The following CFAP97D2 variants were observed in gnomAD, a reference collection of about 807,000 sequenced individuals.
The protein encoded by CFAP97D2 is CFAP97 domain containing 2, also known as uncharacterized protein CFAP97D2.
intron 4 of CFAP97D2, among the ~76,000 whole-genome samples, chr13:114,218,840 T>C (rs112231352): frequency 1.3e-5 from 2 of 152,126 alleles, no homozygotes; most frequent in African/African-American, 4.8e-5. Context: ...AAAGCTGAAA[T>C]TGGATCCCTT....
At chr13:114,193,098 G>A (rs1448043837) in intron 1 of CFAP97D2, among the ~76,000 whole-genome samples, 1 of 152,102 alleles carries the variant, frequency 6.6e-6, no homozygotes, top group East Asian at 1.9e-4. Flanking sequence ...AAATTGTATT[G>A]GAGGTGTTAG....
At chr13:114,197,582 G>A (rs1349600670) in intron 2 of CFAP97D2, among the ~76,000 whole-genome samples, 2 of 152,342 alleles carry the variant, frequency 1.3e-5, no homozygotes, top group East Asian at 3.9e-4. Context: ...GGGGGGAAGG[G>A]AAGTGGATTC....
chr13:114,211,919 A>C lies in CFAP97D2; in HGVS notation c.298A>C (p.Arg100=). Residue 100 remains arginine, a synonymous_variant, in exon 4 of 5, where the codon AGG becomes CGG. Coordinates refer to ENST00000646158, the Ensembl canonical transcript of CFAP97D2. This position sits in a 1 kb window ranked among gnomAD's most constrained non-coding sequence, Gnocchi z 4.2. Reference sequence around the variant, plus strand: ...GTGTGCTCTTTCGTGGAGTCTGCACAGGGGGAAGAGAGAACAGGAACTTCG... The same window carrying C: ...GTGTGCTCTTTCGTGGAGTCTGCACCGGGGGAAGAGAGAACAGGAACTTCG... The C allele has an allele frequency of 5.0e-6, 2 of 398,756 alleles. No homozygotes were observed. 24.7% of individuals were successfully genotyped at this position (398,756 alleles called of 1,614,324 possible). A position where few individuals can be genotyped will look rare whatever the true frequency, so the allele number is the denominator to read the frequency against.
chr13:114,181,342 C>A (rs1205485321), intron 1 of CFAP97D2, among the ~76,000 whole-genome samples: 1 of 152,148 alleles, frequency 6.6e-6, no homozygotes, highest in Non-Finnish European at 1.5e-5. Flanking sequence ...GCCTGGGTGT[C>A]CTGGCAGGGG....
chr13:114,210,280 T>G (rs1306251448), intron 3 of CFAP97D2, among the ~76,000 whole-genome samples: 2 of 152,212 alleles, frequency 1.3e-5, no homozygotes, highest in Admixed American at 6.5e-5. Context: ...TCCATATTAT[T>G]AAAAATTAAT....
chr13:114,204,927 C>T (rs937413468), intron 3 of CFAP97D2, among the ~76,000 whole-genome samples: 4 of 152,200 alleles, frequency 2.6e-5, no homozygotes, highest in African/African-American at 4.8e-5. Context: ...AAATCAGATA[C>T]GATTAGGGAC....
At chr13:114,199,942 T>G (rs11147320) in intron 2 of CFAP97D2, among the ~76,000 whole-genome samples, 6 of 4,906 alleles carry the variant, frequency 1.2e-3, no homozygotes, top group Non-Finnish European at 1.8e-3. Flanking sequence ...GTCCCCGTGC[T>G]TACGGTCCCC....
In CFAP97D2 at chr13:114,186,746, C is replaced by A. The variant is rs1258218874; in HGVS notation, c.90+7326C>A. Among the ~76,000 whole-genome samples the A allele has an allele frequency of 6.6e-6, 1 of 152,250 alleles. No homozygotes were observed. The highest frequency in any genetic ancestry group is 6.5e-5 in the Admixed American group (1 of 15,292). The stretch of plus-strand genomic sequence containing the variant: ...CAGGCACAGCCTCGCAGTGAGCCAG[C>A]ACCCATGCTGGCACCTGGAGCTGCC... On this transcript the variant is annotated intron_variant, in intron 1 of 4. Coordinates refer to ENST00000646158, the Ensembl canonical transcript of CFAP97D2. The surrounding 1 kb of genome is among the most constrained non-coding windows in gnomAD (Gnocchi z 4.3).
rs1305989093 is a variant in CFAP97D2, at chr13:114,211,653, A to G, written c.291-259A>G. The stretch of plus-strand genomic sequence containing the variant: ...CCGGGAGACTTCCCCGCTGTGCCCC[A>G]TTGTGCTCACCCTGAAAACGCCCCT... On this transcript the variant is annotated intron_variant, in intron 3 of 4. Transcript: ENST00000646158. The surrounding 1 kb of genome is among the most constrained non-coding windows in gnomAD (Gnocchi z 4.2). Among the ~76,000 whole-genome samples the G allele has an allele frequency of 6.6e-6, 1 of 152,092 alleles. No homozygotes were observed. The highest frequency in any genetic ancestry group is 1.5e-5 in the Non-Finnish European group (1 of 68,004).
chr13:114,192,702 C>T (rs1291760924), intron 1 of CFAP97D2, among the ~76,000 whole-genome samples: 1 of 152,078 alleles, frequency 6.6e-6, no homozygotes, highest in Non-Finnish European at 1.5e-5. Context: ...GTATGAATAT[C>T]AATATGAAGA....
Position 114,207,225 on chromosome 13 carries a change from A to G in CFAP97D2, c.291-4687A>G, listed in dbSNP as rs1414268260. 6.6e-6 allele frequency among the ~76,000 whole-genome samples: 1 copy of G among 152,212 alleles called. No homozygotes were observed. Among genetic ancestry groups the G allele is most frequent in the South Asian group, 2.1e-4 (1 of 4,826 alleles). Reference sequence around the variant, plus strand: ...AGTCCTCAGGGCTCGCAAACCAGAAAGTATCTAGACAGGTCTCAAACAATC... The same window carrying G: ...AGTCCTCAGGGCTCGCAAACCAGAAGGTATCTAGACAGGTCTCAAACAATC... On this transcript the variant is annotated intron_variant, in intron 3 of 4. Transcript: ENST00000646158. The surrounding 1 kb of genome is among the most constrained non-coding windows in gnomAD (Gnocchi z 4.9).
chr13:114,184,767 C>G (rs1454850955), intron 1 of CFAP97D2, among the ~76,000 whole-genome samples: 1 of 152,030 alleles, frequency 6.6e-6, no homozygotes, highest in Non-Finnish European at 1.5e-5. Flanking sequence ...AGGTCAGTAA[C>G]AGATCCACAT....
intron 1 of CFAP97D2, among the ~76,000 whole-genome samples, chr13:114,191,895 T>G (rs117757526): frequency 0.012 from 1,823 of 152,184 alleles, 100 homozygotes; most frequent in Admixed American, 0.082. Flanking sequence ...ATCATTCAAT[T>G]CTAAAAAGAA....
chr13:114,206,372 G>T (rs1295377794), intron 3 of CFAP97D2, among the ~76,000 whole-genome samples: 1 of 152,138 alleles, frequency 6.6e-6, no homozygotes, highest in African/African-American at 2.4e-5. Context: ...CAAAGTGCTG[G>T]GATTACAGGC....
chr13:114,196,524 T>TA, intron 2 of CFAP97D2, 48 bp downstream of exon 2: 1 of 398,784 alleles, frequency 2.5e-6, no homozygotes, highest in Non-Finnish European at 4.4e-6. Flanking sequence ...AACTAGAAAA[T>TA]GCCAGCTTAA....
chr13:114,187,094 T>C lies in CFAP97D2; in HGVS notation c.90+7674T>C, dbSNP rs1228364629. 6.6e-6 allele frequency among the ~76,000 whole-genome samples: 1 copy of C among 152,198 alleles called. No individual in the cohort carries two copies. Among genetic ancestry groups the C allele is most frequent in the Non-Finnish European group, 1.5e-5 (1 of 68,042 alleles). On this transcript the variant is annotated intron_variant, in intron 1 of 4. Coordinates refer to ENST00000646158, the Ensembl canonical transcript of CFAP97D2. This position sits in a 1 kb window ranked among gnomAD's most constrained non-coding sequence, Gnocchi z 4.2. ...GTTACTCACACTACCTGTTAAGCAA[T>C]ATAGTGTTATTTGAAAGTGGACTTG... is the stretch of plus-strand genomic sequence containing the variant.
chr13:114,182,369 C>T (rs1011663815), intron 1 of CFAP97D2, among the ~76,000 whole-genome samples: 5 of 152,286 alleles, frequency 3.3e-5, no homozygotes, highest in East Asian at 3.9e-4. Flanking sequence ...AACAAATGTA[C>T]AATCGGGTTT....
intron 1 of CFAP97D2, among the ~76,000 whole-genome samples, chr13:114,182,022 C>T (rs1295154282): frequency 2.0e-5 from 3 of 152,070 alleles, no homozygotes; most frequent in Admixed American, 1.3e-4. Flanking sequence ...AACAGTGGGC[C>T]CAGGGGACCG....
At chr13:114,198,762 G>A (rs2080900815) in intron 2 of CFAP97D2, among the ~76,000 whole-genome samples, 1 of 74,346 alleles carries the variant, frequency 1.3e-5, no homozygotes, top group Admixed American at 1.2e-4. Context: ...GTGACGGCGC[G>A]TCCCCGTGCT....
Sources: gnomAD v4.1 joint callset for allele counts (sites outside exome capture counted in the v4.1 genomes callset) on GRCh38, gnomAD v4.1.1 for gene constraint, Gnocchi (gnomAD v3.1) non-coding constraint, MANE v1.5 for transcripts, NCBI Gene and HGNC (gene_info 2026-07-23, HGNC 2026-07-21) for gene names.